SMARCC1: variants seen among roughly 807,000 people sequenced by gnomAD.
The protein encoded by SMARCC1 is SWI/SNF related BAF chromatin remodeling complex subunit C1.
SMARCC1 carries 43 observed loss-of-function variants against 147.4 expected under a neutral mutation model. The observed-to-expected ratio is 0.29, with a 90% CI of 0.23 to 0.38. The LOEUF is 0.38. Ranked by LOEUF, SMARCC1 falls within the 10% of genes least tolerant of loss-of-function variation. The pLI is 1.00. For missense variants in SMARCC1, 1,119 were observed against 1,381.1 expected (o/e 0.81, Z 3.01); for synonymous variants, 495 against 484.4 (o/e 1.02, Z -0.29).
intron 21 of SMARCC1, among the ~76,000 whole-genome samples, chr3:47,645,937 T>C (rs1266204082): frequency 6.6e-6 from 1 of 152,210 alleles, no homozygotes; most frequent in Non-Finnish European, 1.5e-5. Context: ...CCAGAGACAA[T>C]GCTCAGGCAT....
At chr3:47,750,627 T>C (rs1241885110) in intron 2 of SMARCC1, among the ~76,000 whole-genome samples, 1 of 152,194 alleles carries the variant, frequency 6.6e-6, no homozygotes, top group East Asian at 1.9e-4. Context: ...ATATATTTAA[T>C]GTGGAATATG....
At chr3:47,701,171 A>C (rs1188829703) in intron 11 of SMARCC1, 107 bp downstream of exon 11, 3 of 845,184 alleles carry the variant, frequency 3.5e-6, no homozygotes, top group South Asian at 3.6e-5. Flanking sequence ...ATCTATTCAT[A>C]CTTGAAAGTC....
At chr3:47,600,595 T>C (rs1328296989) in intron 26 of SMARCC1, among the ~76,000 whole-genome samples, 1 of 152,210 alleles carries the variant, frequency 6.6e-6, no homozygotes, top group African/African-American at 2.4e-5. Flanking sequence ...TCCAGGTCTC[T>C]CTGACCCTGA....
chr3:47,702,092 A>G (rs1173544806), intron 10 of SMARCC1, among the ~76,000 whole-genome samples: 1 of 152,190 alleles, frequency 6.6e-6, no homozygotes, highest in Non-Finnish European at 1.5e-5. Flanking sequence ...TGGCCCTTTT[A>G]TCATCCAAAT....
At chr3:47,697,282 G>GA (rs2033865413) in intron 11 of SMARCC1, among the ~76,000 whole-genome samples, 1 of 151,404 alleles carries the variant, frequency 6.6e-6, no homozygotes, top group Non-Finnish European at 1.5e-5. Context: ...CAGCCTGGGC[G>GA]AAAGAGCGAG....
chr3:47,663,785 G>A (rs756053384), intron 19 of SMARCC1: 44 of 1,577,788 alleles, frequency 2.8e-5, no homozygotes, highest in Non-Finnish European at 3.4e-5. Context: ...GGCCACGGCG[G>A]CCGCCCTCAC....
intron 14 of SMARCC1, among the ~76,000 whole-genome samples, chr3:47,681,555 C>G (rs6442077): frequency 1.3e-5 from 2 of 152,112 alleles, no homozygotes; most frequent in Non-Finnish European, 2.9e-5. Context: ...TGTGTTTCTT[C>G]CTGATGACAT....
rs115480769 is a variant in SMARCC1, at chr3:47,679,568, G to A, written c.1457+869C>T. On this transcript the variant is annotated intron_variant, in intron 15 of 27. Transcript: ENST00000254480. Reference sequence around the variant, plus strand: ...ACATACATTCACACACAAGTTGAAAGTTGTTAGGACAGGCCGGGCTTGGTG... The same window carrying A: ...ACATACATTCACACACAAGTTGAAAATTGTTAGGACAGGCCGGGCTTGGTG... 3.9e-3 allele frequency among the ~76,000 whole-genome samples: 594 copies of A among 152,250 alleles called. 5 individuals carry two copies. Among genetic ancestry groups the A allele is most frequent in the African/African-American group, 0.013 (539 of 41,556 alleles).
At chr3:47,687,838 C>CGTGA (rs2033744343) in intron 13 of SMARCC1, among the ~76,000 whole-genome samples, 1 of 152,182 alleles carries the variant, frequency 6.6e-6, no homozygotes, top group Non-Finnish European at 1.5e-5. Flanking sequence ...TTTTGGCTCA[C>CGTGA]GCCAGCATAG....
chr3:47,691,811 C>T (rs942887032), intron 12 of SMARCC1, among the ~76,000 whole-genome samples: 3 of 151,968 alleles, frequency 2.0e-5, no homozygotes, highest in African/African-American at 4.8e-5. Context: ...ATCAGCCTGG[C>T]CAACCCGGTA....
chr3:47,765,214 G>A (rs1050338322), intron 2 of SMARCC1, among the ~76,000 whole-genome samples: 1 of 151,964 alleles, frequency 6.6e-6, no homozygotes, highest in Non-Finnish European at 1.5e-5. Flanking sequence ...TCGTGCCATT[G>A]CACGCCAGCC....
At chr3:47,653,897 C>T (rs953692947) in intron 21 of SMARCC1, among the ~76,000 whole-genome samples, 1 of 152,158 alleles carries the variant, frequency 6.6e-6, no homozygotes, top group Admixed American at 6.6e-5. Flanking sequence ...AAAGGTCAGC[C>T]CTTGTAGTCT....
At chr3:47,718,659 C>A (rs2034191545) in intron 7 of SMARCC1, among the ~76,000 whole-genome samples, 1 of 151,640 alleles carries the variant, frequency 6.6e-6, no homozygotes, top group Non-Finnish European at 1.5e-5. Context: ...AAAGAATTTA[C>A]TCATGTAACC....
intron 1 of SMARCC1, among the ~76,000 whole-genome samples, chr3:47,775,404 C>T (rs1354706174): frequency 2.0e-5 from 3 of 149,536 alleles, no homozygotes; most frequent in Non-Finnish European, 3.0e-5. Flanking sequence ...TCGTGATTCG[C>T]CTGCCTCGGC....
chr3:47,677,920 G>T (rs189398954), intron 16 of SMARCC1, among the ~76,000 whole-genome samples: 30 of 152,210 alleles, frequency 2.0e-4, no homozygotes, highest in Non-Finnish European at 3.8e-4. Flanking sequence ...GGAGGCGGAG[G>T]CAGGAGAATC....
intron 2 of SMARCC1, among the ~76,000 whole-genome samples, chr3:47,752,535 T>C (rs2034640338): frequency 6.6e-6 from 1 of 152,116 alleles, no homozygotes; most frequent in Non-Finnish European, 1.5e-5. Flanking sequence ...CCTGTAATTC[T>C]AACACGTTGA....
chr3:47,663,661 G>A (rs945009026), intron 19 of SMARCC1: 66 of 1,503,048 alleles, frequency 4.4e-5, no homozygotes, highest in Non-Finnish European at 5.5e-5. Context: ...TTGAACCATC[G>A]AAGCCCCCAG....
At chr3:47,735,411 T>G (rs2034430062) in intron 5 of SMARCC1, among the ~76,000 whole-genome samples, 1 of 151,906 alleles carries the variant, frequency 6.6e-6, no homozygotes, top group Non-Finnish European at 1.5e-5. Context: ...TCCTAATACT[T>G]TGGGAGGGCG....
chr3:47,586,687 CCA>C lies in SMARCC1; in HGVS notation c.*1520_*1521del, dbSNP rs1260650722. ...TTAGAAAATATATAGAAAAAGATATCCAAAAGATGTCCACCTTGCATTCTAAA... is the reference window on the plus strand; with the variant it reads ...TTAGAAAATATATAGAAAAAGATATCAAAGATGTCCACCTTGCATTCTAAA... On this transcript the variant is annotated 3_prime_UTR_variant, in exon 28 of 28. Transcript: ENST00000254480. The C allele has an allele frequency of 6.6e-6, 1 of 152,526 alleles. No individual in the cohort carries two copies. Among genetic ancestry groups the C allele is most frequent in the Non-Finnish European group, 1.5e-5 (1 of 68,026 alleles). 9.4% of individuals were successfully genotyped at this position (152,526 alleles called of 1,614,324 possible).
Sources: allele counts gnomAD v4.1 joint callset (sites outside exome capture counted in the v4.1 genomes callset), GRCh38; gene constraint gnomAD v4.1.1; transcripts MANE v1.5; gene names NCBI Gene and HGNC (gene_info 2026-07-23, HGNC 2026-07-21).